ELAVL1: variants seen among roughly 807,000 people sequenced by gnomAD.
ELAVL1 encodes ELAV-like protein 1.
A neutral mutation model predicts 28.4 loss-of-function variants in ELAVL1; 1 was observed. That is an observed-to-expected ratio of 0.04 (90% CI 0.01 to 0.17). The LOEUF (loss-of-function observed/expected upper bound fraction) is 0.17. ELAVL1 is among the 10% of genes least tolerant of loss of function. The probability of loss-of-function intolerance (pLI) is 1.00; values close to 1 mark genes in which losing one functional copy is unlikely to be tolerated. For missense variants in ELAVL1, 157 were observed against 447.2 expected, an observed-to-expected ratio of 0.35 and a Z score of 5.85; for synonymous variants, 174 against 183.5, an observed-to-expected ratio of 0.95 and a Z score of 0.42.
chr19:8,005,313 G>C (rs1049457063), intron 1 of ELAVL1, among the ~76,000 whole-genome samples, 182 bp downstream of exon 1: 1 of 150,178 alleles, frequency 6.7e-6, no homozygotes, highest in African/African-American at 2.4e-5. Flanking sequence ...TGTAGCCGGC[G>C]CCCACACCGG....
intron 4 of ELAVL1, among the ~76,000 whole-genome samples, chr19:7,969,885 G>A (rs1985058820): frequency 6.6e-6 from 1 of 151,868 alleles, no homozygotes; most frequent in Non-Finnish European, 1.5e-5. Flanking sequence ...AGCAGAGGGG[G>A]ATATCAATTC....
chr19:7,961,600 A>C lies in ELAVL1; in HGVS notation c.*1883T>G, dbSNP rs951508674. On this transcript the variant is annotated 3_prime_UTR_variant, in exon 6 of 6. Transcript: ENST00000407627. ...TGGGCCTCGGTTTTGGCTTTTCCTGAGGATCTGGGATTCTGTGGGAGAAAG... is the reference window on the plus strand; with the variant it reads ...TGGGCCTCGGTTTTGGCTTTTCCTGCGGATCTGGGATTCTGTGGGAGAAAG... 1 of 152,152 alleles carries C rather than the reference A, an allele frequency of 6.6e-6. No homozygotes were observed. The highest frequency in any genetic ancestry group is 1.5e-5 in the Non-Finnish European group (1 of 68,032). 9.4% of individuals were successfully genotyped at this position (152,152 alleles called of 1,614,324 possible). A position where few individuals can be genotyped will look rare whatever the true frequency, so the allele number is the denominator to read the frequency against.
rs1407045492 is a variant in ELAVL1, at chr19:7,982,988, G to T, written c.173-1802C>A. ...ATCACTGGGCCGAGGCAGTCAGTTTGCCAGGTTTCTTGGCTGTAAAGTGAC... is the reference window on the plus strand; with the variant it reads ...ATCACTGGGCCGAGGCAGTCAGTTTTCCAGGTTTCTTGGCTGTAAAGTGAC... On this transcript the variant is annotated intron_variant, in intron 2 of 5. Transcript: ENST00000407627. The surrounding 1 kb of genome is among the most constrained non-coding windows in gnomAD (Gnocchi z 4.3). Among the ~76,000 whole-genome samples the T allele has an allele frequency of 6.6e-6, 1 of 152,178 alleles. No homozygotes were observed. Among genetic ancestry groups the T allele is most frequent in the Admixed American group, 6.5e-5 (1 of 15,276 alleles).
chr19:7,986,256 CTCT>C (rs1331498469), intron 2 of ELAVL1, among the ~76,000 whole-genome samples: 1 of 152,226 alleles, frequency 6.6e-6, no homozygotes, highest in Non-Finnish European at 1.5e-5. Flanking sequence ...CCCGTGAGTT[CTCT>C]CTTTAAAGGC....
At chr19:7,989,455 T>C (rs560604332) in intron 2 of ELAVL1, among the ~76,000 whole-genome samples, 23 of 152,326 alleles carry the variant, frequency 1.5e-4, no homozygotes, top group Middle Eastern at 3.4e-3. Context: ...AAACCAGTTC[T>C]CTCCAGACTG....
At chr19:8,003,471 T>A (rs1367890006) in intron 1 of ELAVL1, among the ~76,000 whole-genome samples, 1 of 144,524 alleles carries the variant, frequency 6.9e-6, no homozygotes, top group Admixed American at 7.0e-5. Context: ...GGCGGGCGGA[T>A]CACAAGGTCA....
intron 1 of ELAVL1, among the ~76,000 whole-genome samples, chr19:7,995,255 A>T (rs1196001591): frequency 2.6e-5 from 4 of 152,260 alleles, no homozygotes; most frequent in Admixed American, 1.3e-4. Context: ...TGCACATTGA[A>T]GCTTGCTCAA....
chr19:7,994,842 T>C (rs1255100918), intron 1 of ELAVL1, among the ~76,000 whole-genome samples: 2 of 152,126 alleles, frequency 1.3e-5, no homozygotes, highest in Non-Finnish European at 2.9e-5. Flanking sequence ...TAGTTTCAGC[T>C]ACTCGGGAGA....
intron 4 of ELAVL1, 42 bp downstream of exon 4, chr19:7,973,683 C>A (rs778808312): frequency 6.3e-7 from 1 of 1,590,254 alleles, no homozygotes; most frequent in Admixed American, 1.8e-5. Context: ...CAGCCCCCAC[C>A]TAGAGAACAC....
intron 5 of ELAVL1, among the ~76,000 whole-genome samples, chr19:7,964,370 A>G (rs1191597742): frequency 6.6e-6 from 1 of 152,052 alleles, no homozygotes; most frequent in Non-Finnish European, 1.5e-5. Context: ...CAGGCAACCA[A>G]CCCTCTGTGG....
intron 1 of ELAVL1, among the ~76,000 whole-genome samples, chr19:8,004,131 C>A (rs1831268998): frequency 1.3e-5 from 2 of 152,194 alleles, no homozygotes; most frequent in Admixed American, 1.3e-4. Context: ...TGCAGACAAA[C>A]GTCCACAAAG....
rs1304567957 is a variant in ELAVL1 at position 7,982,102 on chromosome 19, T to C, written c.173-916A>G. On this transcript the variant is annotated intron_variant, in intron 2 of 5. Transcript: ENST00000407627. This position sits in a 1 kb window ranked among gnomAD's most constrained non-coding sequence, Gnocchi z 4.3. Reference sequence around the variant, plus strand: ...GTGAAACACTCAGCACAGGTACAAGTGAACACCCACTCACTGGATACCATG... The same window carrying C: ...GTGAAACACTCAGCACAGGTACAAGCGAACACCCACTCACTGGATACCATG... 2.6e-5 allele frequency among the ~76,000 whole-genome samples: 4 copies of C among 152,058 alleles called. No individual in the cohort carries two copies.
chr19:7,999,438 C>T (rs2145229596), intron 1 of ELAVL1, among the ~76,000 whole-genome samples: 1 of 152,360 alleles, frequency 6.6e-6, no homozygotes, highest in East Asian at 1.9e-4. Context: ...TTCTCAGTGC[C>T]TCCATGCCAT....
At chr19:7,995,251 T>C (rs887852483) in intron 1 of ELAVL1, among the ~76,000 whole-genome samples, 8 of 152,262 alleles carry the variant, frequency 5.3e-5, no homozygotes, top group African/African-American at 1.7e-4. Context: ...AAAATGCACA[T>C]TGAAGCTTGC....
intron 1 of ELAVL1, among the ~76,000 whole-genome samples, chr19:7,994,033 A>G (rs1163830208): frequency 6.6e-6 from 1 of 152,206 alleles, no homozygotes; most frequent in African/African-American, 2.4e-5. Flanking sequence ...AGGATGTCCT[A>G]TGCTCCCTGC....
At chr19:7,995,185 A>C (rs1255928501) in intron 1 of ELAVL1, among the ~76,000 whole-genome samples, 4 of 152,256 alleles carry the variant, frequency 2.6e-5, no homozygotes, top group African/African-American at 9.6e-5. Flanking sequence ...CAAACAGACA[A>C]AAACATTTGC....
At chr19:7,991,527 G>T in intron 2 of ELAVL1, 117 bp downstream of exon 2, 1 of 1,010,424 alleles carries the variant, frequency 9.9e-7, no homozygotes, top group Non-Finnish European at 1.4e-6. Context: ...CACAGCCATC[G>T]TTTCAAGGCT....
chr19:7,993,053 G>C (rs1326954800), intron 1 of ELAVL1, among the ~76,000 whole-genome samples: 1 of 152,200 alleles, frequency 6.6e-6, no homozygotes, highest in Non-Finnish European at 1.5e-5. Flanking sequence ...ACGGGCATGA[G>C]CCACTGTGTC....
intron 1 of ELAVL1, among the ~76,000 whole-genome samples, chr19:8,003,788 A>G (rs2081077635): frequency 6.6e-6 from 1 of 152,116 alleles, no homozygotes; most frequent in South Asian, 2.1e-4. Flanking sequence ...CAACATAAAC[A>G]GTATTATTTC....
Sources: gnomAD v4.1 joint callset for allele counts (sites outside exome capture counted in the v4.1 genomes callset) on GRCh38, gnomAD v4.1.1 for gene constraint, Gnocchi (gnomAD v3.1) non-coding constraint, MANE v1.5 for transcripts, NCBI Gene and HGNC (gene_info 2026-07-23, HGNC 2026-07-21) for gene names.